Variants in AKAP9 observed in about 807,000 individuals in gnomAD.
AKAP9 encodes the protein A-kinase anchor protein 9.
A neutral mutation model predicts 488.5 loss-of-function variants in AKAP9; 311 were observed. The observed-to-expected ratio is 0.64, with a 90% CI of 0.58 to 0.70. AKAP9 has a LOEUF of 0.70. AKAP9 is among the 30% of genes least tolerant of loss of function. The pLI is 0.00. For missense variants in AKAP9, 4,215 were observed against 4,374.5 expected, an observed-to-expected ratio of 0.96 and a Z score of 1.03; for synonymous variants, 1,462 against 1,483.5, an observed-to-expected ratio of 0.99 and a Z score of 0.33.
At chr7:92,024,622 G>A (rs1358086341) in intron 14 of AKAP9, among the ~76,000 whole-genome samples, 1 of 151,936 alleles carries the variant, frequency 6.6e-6, no homozygotes. Flanking sequence ...GCACATAATA[G>A]GTACTCAATA....
Position 92,002,077 on chromosome 7 carries a change from A to C in AKAP9, c.2160A>C (p.Gln720His). Residue 720 changes from glutamine (Q) to histidine (H), a missense_variant, in exon 8 of 50, where the codon CAA (glutamine) becomes CAC (histidine). Transcript: ENST00000356239. ...CAAAGTCAGAAGAAATGACTCTTCA[A>C]ATCAATGAACTTCAAAAAGAAATTG... The part of the protein sequence containing the change: ...VNSKSEEMTL[Q>H]INELQKEIEI... The C allele has an allele frequency of 1.3e-6, 2 of 1,596,824 alleles. No individual in the cohort carries two copies. Among genetic ancestry groups the C allele is most frequent in the Non-Finnish European group, 1.7e-6 (2 of 1,175,354 alleles).
At chr7:91,965,013 A>G (rs1794256924) in intron 1 of AKAP9, among the ~76,000 whole-genome samples, 1 of 152,198 alleles carries the variant, frequency 6.6e-6, no homozygotes, top group South Asian at 2.1e-4. Flanking sequence ...CGTTAGCTTT[A>G]ATTAGTGAAA....
At chr7:92,047,243 G>A (rs1187033212) in intron 21 of AKAP9, among the ~76,000 whole-genome samples, 1 of 150,320 alleles carries the variant, frequency 6.7e-6, no homozygotes, top group Admixed American at 6.6e-5. Flanking sequence ...TTCCTTTTGA[G>A]TCTCGCTCTG....
intron 22 of AKAP9, 62 bp downstream of exon 22, chr7:92,053,020 T>C (rs1014930841): frequency 8.1e-6 from 11 of 1,352,306 alleles, no homozygotes; most frequent in Non-Finnish European, 1.2e-5. Context: ...TCCCACTCTC[T>C]CGACTGAGCT....
At chr7:92,070,306 C>A in intron 27 of AKAP9, 100 bp downstream of exon 27, 1 of 1,274,628 alleles carries the variant, frequency 7.8e-7, no homozygotes, top group Non-Finnish European at 1.1e-6. Flanking sequence ...ATGTTTATAT[C>A]TCTGTTGACA....
intron 46 of AKAP9, 98 bp downstream of exon 46, chr7:92,102,924 T>A: frequency 3.7e-6 from 4 of 1,087,522 alleles, no homozygotes; most frequent in Non-Finnish European, 4.1e-6. Flanking sequence ...ATACTCTATA[T>A]TTATATAGTA....
chr7:91,987,146 G>A (rs1257499209), intron 3 of AKAP9, among the ~76,000 whole-genome samples: 1 of 152,092 alleles, frequency 6.6e-6, no homozygotes, highest in Non-Finnish European at 1.5e-5. Flanking sequence ...CAGGCACGGT[G>A]GCTCATTCAT....
Position 92,079,192 on chromosome 7 carries a change from T to G in AKAP9, c.7059T>G (p.Asn2353Lys). Residue 2353 changes from asparagine to lysine, a missense_variant, in exon 31 of 50, where the codon AAT becomes AAG. By Grantham distance (94) the Asn-to-Lys change is moderately conservative. Around this residue, in one of 5 missense-constraint regions of AKAP9, gnomAD observed 1,476 missense variants for 1,477.4 expected, o/e 1.00. Coordinates refer to ENST00000356239, the MANE Select transcript of AKAP9 (RefSeq NM_005751.5). ...GAGAAGAAGAAATAGAGCAGCTCAA[T>G]GAAGTGATTGAAAAACTTCAACAGG... Reference protein sequence around the residue: ...RNREEEIEQLNEVIEKLQQEL... With the variant: ...RNREEEIEQLKEVIEKLQQEL... 2.5e-6 allele frequency: 4 copies of G among 1,614,010 alleles called. No individual in the cohort carries two copies. Among genetic ancestry groups the G allele is most frequent in the Non-Finnish European group, 3.4e-6 (4 of 1,179,982 alleles).
intron 1 of AKAP9, among the ~76,000 whole-genome samples, chr7:91,960,845 ACT>A (rs749719233): frequency 7.9e-5 from 12 of 152,188 alleles, no homozygotes; most frequent in Admixed American, 4.6e-4. Context: ...CACAGGTAAA[ACT>A]CTACAACCAC....
At chr7:91,968,487 A>T (rs1230562567) in intron 1 of AKAP9, among the ~76,000 whole-genome samples, 1 of 151,972 alleles carries the variant, frequency 6.6e-6, no homozygotes, top group Non-Finnish European at 1.5e-5. Flanking sequence ...TTCTCCTTTT[A>T]TGAAAATTAG....
chr7:91,985,830 T>C (rs975271429), intron 3 of AKAP9, among the ~76,000 whole-genome samples: 5 of 152,136 alleles, frequency 3.3e-5, no homozygotes, highest in Admixed American at 3.3e-4. Context: ...CGTATTTTTA[T>C]TAGAGATGGG....
At chr7:92,070,806 C>CA (rs34613656) in intron 27 of AKAP9, 99 bp from the exon 28 acceptor site, 237,319 of 459,022 alleles carry the variant, frequency 0.52, 44,609 homozygotes, top group African/African-American at 0.68. Context: ...TGCTGCTTCT[C>CA]AAAAAAAAAA....
At position 92,110,058 on chromosome 7, in the gene AKAP9, G is replaced by A. The variant is rs374260635; in HGVS notation, c.11687-64G>A. 64 of 1,207,166 alleles carry A rather than the reference G, an allele frequency of 5.3e-5. No individual in the cohort carries two copies. The African/African-American group carries it at 9.2e-4, about 17-fold the overall frequency. 74.8% of individuals were successfully genotyped at this position (1,207,166 alleles called of 1,614,324 possible). On this transcript the variant is annotated intron_variant, in intron 49 of 49. Transcript: ENST00000356239. ...AATAATTTCCTTTGTGTGAACTCTG[G>A]TGGGTCTGATACAGGTAGCAATGTA...
chr7:91,990,042 C>T (rs1183181885), intron 3 of AKAP9, among the ~76,000 whole-genome samples: 2 of 152,028 alleles, frequency 1.3e-5, no homozygotes, highest in African/African-American at 4.8e-5. Flanking sequence ...CTTGTACTTT[C>T]CCAGATCTTT....
chr7:92,001,689 C>G lies in AKAP9; in HGVS notation c.1772C>G (p.Ala591Gly). The G allele has an allele frequency of 1.2e-6, 2 of 1,612,270 alleles. No homozygotes were observed. Among genetic ancestry groups the G allele is most frequent in the Non-Finnish European group, 8.5e-7 (1 of 1,179,434 alleles). Residue 591 changes from alanine (A) to glycine (G), a missense_variant, in exon 8 of 50, where the codon GCA becomes GGA. Ala to Gly is a moderately conservative substitution (Grantham distance 60). Around this residue, in one of 5 missense-constraint regions of AKAP9, gnomAD observed 2,361 missense variants for 2,430.0 expected, o/e 0.97. Transcript: ENST00000356239. The part of the protein sequence containing the change: ...SRKELELKHE[A>G]EVTNYKIKLE... ...AAGGAACTAGAATTAAAACATGAAG[C>G]AGAAGTTACAAATTACAAGATAAAA... is the stretch of plus-strand genomic sequence containing the variant.
intron 1 of AKAP9, among the ~76,000 whole-genome samples, chr7:91,966,392 T>C (rs1794446897): frequency 6.6e-6 from 1 of 152,226 alleles, no homozygotes; most frequent in Non-Finnish European, 1.5e-5. Flanking sequence ...ACTTATGTAG[T>C]TTCATTCTTC....
At chr7:91,993,429 C>T (rs987404023) in intron 5 of AKAP9, among the ~76,000 whole-genome samples, 3 of 151,978 alleles carry the variant, frequency 2.0e-5, no homozygotes, top group South Asian at 4.1e-4. Flanking sequence ...GGATTACAGG[C>T]GTGAGCTACT....
intron 43 of AKAP9, 25 bp downstream of exon 43, chr7:92,098,239 T>A (rs1563143101): frequency 7.1e-7 from 1 of 1,413,136 alleles, no homozygotes; most frequent in Admixed American, 1.7e-5. Flanking sequence ...AAGTTATTTC[T>A]GAAGCATTGA....
intron 17 of AKAP9, among the ~76,000 whole-genome samples, chr7:92,039,995 C>G (rs1232282048): frequency 6.6e-6 from 1 of 151,940 alleles, no homozygotes; most frequent in Non-Finnish European, 1.5e-5. Flanking sequence ...AATAAAATTG[C>G]CAACTCTTTA....
Sources: gnomAD v4.1 joint callset for allele counts (sites outside exome capture counted in the v4.1 genomes callset) on GRCh38, gnomAD v4.1.1 for gene constraint, gnomAD v4.1.1 regional missense constraint, MANE v1.5 for transcripts, NCBI Gene and HGNC (gene_info 2026-07-23, HGNC 2026-07-21) for gene names.